SNX29: variants seen among roughly 807,000 people sequenced by gnomAD.
The protein encoded by SNX29 is sorting nexin-29.
In SNX29, 78 loss-of-function variants were observed where a neutral mutation model predicts 102.1. The ratio of observed to expected loss-of-function variants is 0.76; its 90% CI spans 0.64 to 0.92. The LOEUF (loss-of-function observed/expected upper bound fraction) is 0.92, where lower values mean the gene tolerates loss of function less well. SNX29 is among the 40% of genes least tolerant of loss of function. The pLI, the probability that SNX29 is intolerant of heterozygous loss-of-function variation, is 0.00. For missense variants in SNX29, 1,280 were observed against 1,061.7 expected (o/e 1.21, Z -2.86); for synonymous variants, 580 against 414.5 (o/e 1.40, Z -4.85).
chr16:12,067,148 G>A (rs963531884), intron 9 of SNX29, among the ~76,000 whole-genome samples: 1 of 152,056 alleles, frequency 6.6e-6, no homozygotes, highest in Admixed American at 6.6e-5. Context: ...TCGTGCCACT[G>A]CTCTCCAGCC....
intron 15 of SNX29, among the ~76,000 whole-genome samples, chr16:12,310,643 T>G (rs1281820454): frequency 1.3e-5 from 2 of 151,718 alleles, no homozygotes; most frequent in African/African-American, 4.8e-5. Context: ...GATGGGAGGG[T>G]GGCATTACCA....
At chr16:12,139,841 C>T (rs200941494) in intron 13 of SNX29, among the ~76,000 whole-genome samples, 7 of 151,778 alleles carry the variant, frequency 4.6e-5, no homozygotes, top group East Asian at 1.9e-4. Flanking sequence ...ATTAGCGGTG[C>T]GTGGTGGTGC....
intron 14 of SNX29, among the ~76,000 whole-genome samples, chr16:12,259,835 G>T (rs370192186): frequency 6.6e-6 from 1 of 150,756 alleles, no homozygotes; most frequent in Non-Finnish European, 1.5e-5. Flanking sequence ...TTTGATGAGC[G>T]TGGTTCAGGG....
chr16:12,419,252 C>G (rs1266723398), intron 18 of SNX29, among the ~76,000 whole-genome samples: 7 of 152,156 alleles, frequency 4.6e-5, no homozygotes, highest in Admixed American at 6.5e-5. Flanking sequence ...TCTGTGCCTG[C>G]CCAGATACTT....
chr16:12,343,674 T>A (rs1298479932), intron 15 of SNX29, among the ~76,000 whole-genome samples: 1 of 145,950 alleles, frequency 6.9e-6, no homozygotes, highest in South Asian at 2.2e-4. Context: ...TGAGAACCGT[T>A]GACCACCTAG....
chr16:12,072,849 T>A (rs909049343), intron 10 of SNX29, among the ~76,000 whole-genome samples: 6 of 152,170 alleles, frequency 3.9e-5, no homozygotes, highest in African/African-American at 1.4e-4. Context: ...TTTCAGATCC[T>A]GTTATTGGTC....
intron 1 of SNX29, among the ~76,000 whole-genome samples, chr16:11,996,408 C>G (rs2056075235): frequency 6.6e-6 from 1 of 152,056 alleles, no homozygotes; most frequent in African/African-American, 2.4e-5. Context: ...TAAATTGCTG[C>G]TTTTTAACAA....
At chr16:12,521,629 G>A (rs1458931973) in intron 19 of SNX29, among the ~76,000 whole-genome samples, 1 of 152,184 alleles carries the variant, frequency 6.6e-6, no homozygotes, top group Non-Finnish European at 1.5e-5. Flanking sequence ...TTGTCTTCCT[G>A]TAGCAGAGTC....
chr16:12,299,993 C>G (rs933006351), intron 15 of SNX29, among the ~76,000 whole-genome samples: 1 of 152,172 alleles, frequency 6.6e-6, no homozygotes, highest in Non-Finnish European at 1.5e-5. Flanking sequence ...GCCTCAGCCT[C>G]CTGAGTAGCT....
chr16:12,564,376 C>T (rs1272318727), intron 20 of SNX29, among the ~76,000 whole-genome samples: 2 of 150,320 alleles, frequency 1.3e-5, no homozygotes, highest in South Asian at 4.2e-4. Context: ...TATTTCTAAT[C>T]ACCACCAACT....
At chr16:11,990,340 C>G (rs73515622) in intron 1 of SNX29, among the ~76,000 whole-genome samples, 2 of 152,118 alleles carry the variant, frequency 1.3e-5, no homozygotes, top group Non-Finnish European at 2.9e-5. Context: ...TCTGCTAGAG[C>G]TGGCTAGCAG....
At chr16:12,388,657 C>T (rs897909760) in intron 16 of SNX29, among the ~76,000 whole-genome samples, 5 of 152,216 alleles carry the variant, frequency 3.3e-5, no homozygotes, top group Non-Finnish European at 7.3e-5. Flanking sequence ...ACATAACTGG[C>T]TGAGTGGGAC....
intron 8 of SNX29, chr16:12,052,659 G>GT (rs951435161): frequency 5.3e-6 from 1 of 190,350 alleles, no homozygotes; most frequent in African/African-American, 2.4e-5. Context: ...TTTGGAAGGA[G>GT]TATTATTTGC....
chr16:12,114,904 C>T (rs997556026), intron 11 of SNX29, among the ~76,000 whole-genome samples: 6 of 152,154 alleles, frequency 3.9e-5, no homozygotes, highest in Non-Finnish European at 8.8e-5. Context: ...ACACCTGCTT[C>T]GTGGCGTGAT....
chr16:12,223,356 T>C (rs775671338), intron 14 of SNX29, among the ~76,000 whole-genome samples: 3 of 152,102 alleles, frequency 2.0e-5, no homozygotes, highest in Non-Finnish European at 2.9e-5. Context: ...CAAAACCCTA[T>C]CTCTATTAAA....
intron 18 of SNX29, among the ~76,000 whole-genome samples, chr16:12,434,037 G>A (rs1428437363): frequency 1.3e-5 from 2 of 152,164 alleles, no homozygotes; most frequent in Non-Finnish European, 2.9e-5. Flanking sequence ...TCCCATGCTT[G>A]TTCTCTTGCC....
intron 19 of SNX29, among the ~76,000 whole-genome samples, chr16:12,490,308 C>G (rs1168816740): frequency 1.3e-5 from 2 of 152,184 alleles, no homozygotes; most frequent in South Asian, 2.1e-4. Flanking sequence ...TGTATGTACT[C>G]CTTTGTATCT....
intron 20 of SNX29, among the ~76,000 whole-genome samples, chr16:12,532,071 A>G (rs941041780): frequency 2.0e-5 from 3 of 152,280 alleles, no homozygotes; most frequent in Admixed American, 6.5e-5. Flanking sequence ...GTTTACAGGA[A>G]CCAGGACAGG....
chr16:12,569,727 C>A lies in SNX29; in HGVS notation c.*1098C>A, dbSNP rs142721966. On this transcript the variant is annotated 3_prime_UTR_variant, in exon 21 of 21. Coordinates refer to ENST00000566228, the MANE Select transcript of SNX29 (RefSeq NM_032167.5). ...AGGAGGATGGGGACCAGCAGCTGGG[C>A]AGCCCCCAGGGCTCCTCCTCCAGTG... 4 of 230,312 alleles carry A rather than the reference C, an allele frequency of 1.7e-5. No homozygotes were observed. The highest frequency in any genetic ancestry group is 4.4e-5 in the African/African-American group (2 of 45,182). The allele number at this position is 230,312 out of a possible 1,614,324, so 14.3% of individuals were successfully genotyped here.
Sources: gnomAD v4.1 joint callset for allele counts (sites outside exome capture counted in the v4.1 genomes callset) on GRCh38, gnomAD v4.1.1 for gene constraint, MANE v1.5 for transcripts, NCBI Gene and HGNC (gene_info 2026-07-23, HGNC 2026-07-21) for gene names.